Variants in XRRA1 observed in about 807,000 individuals in gnomAD.
XRRA1 encodes X-ray radiation resistance associated 1.
Under a neutral mutation model 80.2 loss-of-function variants are expected in XRRA1, and 69 were observed. The observed-to-expected ratio is 0.86, with a 90% confidence interval of 0.71 to 1.05. The LOEUF is 1.05. Among genes scored for constraint, XRRA1 ranks in the 50% least tolerant of loss-of-function variants. XRRA1 has a pLI of 0.00. For synonymous variants in XRRA1, 348 were observed against 389.9 expected (o/e 0.89, Z 1.27); for missense variants, 967 against 976.4 (o/e 0.99, Z 0.13).
In XRRA1 at chr11:74,891,402, C is replaced by G. The variant is rs181903331; in HGVS notation, c.1003+14837G>C. Among the ~76,000 whole-genome samples, 5 of 152,204 alleles carry G rather than the reference C, an allele frequency of 3.3e-5. No individual in the cohort carries two copies. The East Asian group carries it at 9.7e-4, about 29-fold the overall frequency. ...TAAATTAGGTATTGATTGGACATAT[C>G]TGAAAATAGTAAGAGCTATTTATGA... On this transcript the variant is annotated intron_variant, in intron 10 of 18. Coordinates refer to ENST00000684022, the MANE Select transcript of XRRA1 (RefSeq NM_001378157.1).
chr11:74,847,120 G>GTT (rs537120408), intron 15 of XRRA1, among the ~76,000 whole-genome samples: 2 of 152,002 alleles, frequency 1.3e-5, no homozygotes, highest in South Asian at 4.2e-4. Flanking sequence ...CTCTCAAATT[G>GTT]TTTCTTTTAA....
At chr11:74,942,549 A>T (rs1434151908) in intron 2 of XRRA1, among the ~76,000 whole-genome samples, 1 of 152,172 alleles carries the variant, frequency 6.6e-6, no homozygotes, top group Admixed American at 6.5e-5. Flanking sequence ...GAGTTGTGCA[A>T]ATGCAGTGTT....
intron 1 of XRRA1, 126 bp from the exon 2 acceptor site, chr11:74,945,211 G>A (rs1412197412): frequency 6.6e-6 from 1 of 152,308 alleles, no homozygotes; most frequent in Non-Finnish European, 1.5e-5. Context: ...TTGCCCGTAG[G>A]ACTAAGGATC....
chr11:74,897,656 A>C (rs778538336), intron 10 of XRRA1, among the ~76,000 whole-genome samples: 9 of 149,280 alleles, frequency 6.0e-5, no homozygotes, highest in Admixed American at 3.4e-4. Flanking sequence ...GAGGCTTTTC[A>C]GTGGAAACCT....
At chr11:74,850,628 C>T (rs1464427247) in intron 14 of XRRA1, among the ~76,000 whole-genome samples, 1 of 152,216 alleles carries the variant, frequency 6.6e-6, no homozygotes, top group African/African-American at 2.4e-5. Context: ...AGGAAGCAGA[C>T]TTCTCTCAAC....
chr11:74,919,487 C>A, intron 8 of XRRA1: 2 of 238,726 alleles, frequency 8.4e-6, no homozygotes, highest in Non-Finnish European at 1.7e-5. Context: ...CAATTAATAC[C>A]ATCTATTTGT....
chr11:74,879,188 T>A (rs2046847050), intron 10 of XRRA1, among the ~76,000 whole-genome samples: 2 of 150,918 alleles, frequency 1.3e-5, no homozygotes, highest in Non-Finnish European at 3.0e-5. Flanking sequence ...ACATCCCTTG[T>A]AAGTTGGATT....
intron 12 of XRRA1, among the ~76,000 whole-genome samples, chr11:74,857,294 A>G (rs1399592996): frequency 2.0e-5 from 3 of 152,222 alleles, no homozygotes; most frequent in Non-Finnish European, 4.4e-5. Flanking sequence ...TTGCAAGTAA[A>G]TGGACAGAAA....
At chr11:74,892,579 T>C (rs1471734553) in intron 10 of XRRA1, among the ~76,000 whole-genome samples, 3 of 151,108 alleles carry the variant, frequency 2.0e-5, no homozygotes, top group African/African-American at 2.4e-5. Flanking sequence ...CTAAAGAGCT[T>C]CTGCACAGCA....
intron 10 of XRRA1, among the ~76,000 whole-genome samples, chr11:74,889,627 A>G (rs2050092699): frequency 6.6e-6 from 1 of 152,236 alleles, no homozygotes. Flanking sequence ...TAAAGAGTCA[A>G]GAACCATCAG....
intron 10 of XRRA1, among the ~76,000 whole-genome samples, chr11:74,888,160 G>T (rs1015473354): frequency 2.0e-5 from 3 of 152,148 alleles, no homozygotes; most frequent in Non-Finnish European, 4.4e-5. Flanking sequence ...AGCCTAACTG[G>T]GAGGCACCCC....
chr11:74,938,206 A>G (rs1251147151), intron 3 of XRRA1, among the ~76,000 whole-genome samples: 1 of 152,238 alleles, frequency 6.6e-6, no homozygotes, highest in Non-Finnish European at 1.5e-5. Context: ...TGGCTCACAG[A>G]CCACTGCTGA....
intron 10 of XRRA1, among the ~76,000 whole-genome samples, chr11:74,879,305 C>T (rs1342268833): frequency 6.6e-6 from 1 of 151,828 alleles, no homozygotes; most frequent in Non-Finnish European, 1.5e-5. Context: ...GATTTTTGTA[C>T]ATTGACTTTG....
intron 4 of XRRA1, among the ~76,000 whole-genome samples, chr11:74,935,191 T>C (rs961773675): frequency 6.6e-6 from 1 of 152,164 alleles, no homozygotes; most frequent in Non-Finnish European, 1.5e-5. Flanking sequence ...GAAAAGACAT[T>C]AGTCAGTAAC....
At chr11:74,939,580 A>G (rs371754175) in intron 3 of XRRA1, among the ~76,000 whole-genome samples, 2 of 152,150 alleles carry the variant, frequency 1.3e-5, no homozygotes, top group East Asian at 1.9e-4. Context: ...TTCTGGCACC[A>G]TAAGATACTC....
intron 10 of XRRA1, among the ~76,000 whole-genome samples, chr11:74,897,990 G>A (rs1049440986): frequency 6.6e-6 from 1 of 152,150 alleles, no homozygotes; most frequent in Non-Finnish European, 1.5e-5. Context: ...GTGGTCATGT[G>A]TAAACTTCTC....
chr11:74,845,334 C>T (rs1314175135), intron 15 of XRRA1, 63 bp from the exon 16 acceptor site: 31 of 1,512,558 alleles, frequency 2.0e-5, no homozygotes, highest in South Asian at 4.9e-5. Flanking sequence ...CATGAACATT[C>T]GGAGTATCAT....
At chr11:74,875,621 G>A (rs2045867956) in intron 10 of XRRA1, among the ~76,000 whole-genome samples, 1 of 152,196 alleles carries the variant, frequency 6.6e-6, no homozygotes, top group Non-Finnish European at 1.5e-5. Context: ...GCTCACACCT[G>A]TAATCCCAGC....
At chr11:74,878,899 A>AC (rs2046762094) in intron 10 of XRRA1, among the ~76,000 whole-genome samples, 1 of 151,864 alleles carries the variant, frequency 6.6e-6, no homozygotes. Flanking sequence ...AGGTAGTGTG[A>AC]TGCCTCCAGC....
Sources: gnomAD v4.1 joint callset for allele counts (sites outside exome capture counted in the v4.1 genomes callset) on GRCh38, gnomAD v4.1.1 for gene constraint, MANE v1.5 for transcripts, NCBI Gene and HGNC (gene_info 2026-07-23, HGNC 2026-07-21) for gene names.